RASAL2: variants seen among roughly 807,000 people sequenced by gnomAD.
RASAL2 encodes RAS protein activator like 2.
RASAL2 carries 58 observed loss-of-function variants against 128.9 expected under a neutral mutation model. The observed-to-expected ratio is 0.45, with a 90% CI of 0.36 to 0.56. RASAL2 has a LOEUF of 0.56. Among genes scored for constraint, RASAL2 ranks in the 20% least tolerant of loss-of-function variants. The probability of loss-of-function intolerance (pLI) is 0.00; values close to 1 mark genes in which losing one functional copy is unlikely to be tolerated. For synonymous variants in RASAL2, 561 were observed against 580.8 expected, an observed-to-expected ratio of 0.97 and a Z score of 0.49; for missense variants, 1,360 against 1,601.6, an observed-to-expected ratio of 0.85 and a Z score of 2.57.
chr1:178,392,368 A>T (rs1346199500), intron 4 of RASAL2, among the ~76,000 whole-genome samples: 2 of 152,168 alleles, frequency 1.3e-5, no homozygotes, highest in African/African-American at 4.8e-5. Context: ...TCATGGGATG[A>T]CTGATGCTTC....
At chr1:178,445,351 G>A (rs971447201) in intron 8 of RASAL2, among the ~76,000 whole-genome samples, 167 bp from the exon 9 acceptor site, 2 of 152,152 alleles carry the variant, frequency 1.3e-5, no homozygotes, top group African/African-American at 4.8e-5. Flanking sequence ...AAATGTAGGG[G>A]TAGGAACACC....
At chr1:178,443,508 C>T (rs1435717059) in intron 8 of RASAL2, among the ~76,000 whole-genome samples, 1 of 152,152 alleles carries the variant, frequency 6.6e-6, no homozygotes, top group Non-Finnish European at 1.5e-5. Flanking sequence ...GTAGGATTGG[C>T]ACGATAACCC....
Position 178,473,495 on chromosome 1 carries a change from T to C in RASAL2, c.*256T>C. The C allele has an allele frequency of 4.0e-6, 2 of 505,388 alleles. No homozygotes were observed. Among genetic ancestry groups the C allele is most frequent in the South Asian group, 2.9e-5 (1 of 33,996 alleles). The allele number at this position is 505,388 out of a possible 1,614,324, so 31.3% of individuals were successfully genotyped here. On this transcript the variant is annotated 3_prime_UTR_variant, in exon 18 of 18. Coordinates refer to ENST00000367649, the MANE Select transcript of RASAL2 (RefSeq NM_170692.4). Reference sequence around the variant, plus strand: ...ATGTACAGAAAATATCACTGTAATATACCAAAAGGAAGTTAATAATGTAGA... The same window carrying C: ...ATGTACAGAAAATATCACTGTAATACACCAAAAGGAAGTTAATAATGTAGA...
intron 1 of RASAL2, among the ~76,000 whole-genome samples, chr1:178,103,871 C>T (rs530964428): frequency 2.0e-5 from 3 of 152,150 alleles, no homozygotes; most frequent in Admixed American, 1.3e-4. Context: ...TTGAATGTAT[C>T]GGATTTTTCT....
intron 1 of RASAL2, among the ~76,000 whole-genome samples, chr1:178,148,687 C>G (rs749685837): frequency 6.6e-6 from 1 of 152,094 alleles, no homozygotes; most frequent in Non-Finnish European, 1.5e-5. Flanking sequence ...TCAAGCAATA[C>G]ACTACCTCAG....
chr1:178,167,657 T>G (rs12048698), intron 1 of RASAL2, among the ~76,000 whole-genome samples: 1 of 152,068 alleles, frequency 6.6e-6, no homozygotes, highest in Non-Finnish European at 1.5e-5. Flanking sequence ...AAACGATTGA[T>G]TAATATACAA....
At chr1:178,162,413 A>C (rs1179065211) in intron 1 of RASAL2, among the ~76,000 whole-genome samples, 1 of 118,192 alleles carries the variant, frequency 8.5e-6, no homozygotes, top group Non-Finnish European at 1.6e-5. Context: ...TTTATATATT[A>C]TATATAATAT....
Position 178,094,473 on chromosome 1 carries a change from C to A in RASAL2, c.-20C>A. 6.5e-7 allele frequency: 1 copy of A among 1,534,266 alleles called. No individual in the cohort carries two copies. The highest frequency in any genetic ancestry group is 1.2e-5 in the South Asian group (1 of 82,974). ...CCGCCCCGAAGCCGCCGCCTCGTCC[C>A]CCTCCCGCCTCGGGGCACCATGGAG... On this transcript the variant is annotated 5_prime_UTR_variant, in exon 1 of 18. Coordinates refer to ENST00000367649, the MANE Select transcript of RASAL2 (RefSeq NM_170692.4).
rs1308008041 is a variant in RASAL2 at position 178,094,516 on chromosome 1, A to G, written c.24A>G (p.Gly8=). The G allele has an allele frequency of 6.4e-6, 10 of 1,565,494 alleles. No homozygotes were observed. The highest frequency in any genetic ancestry group is 8.6e-6 in the Non-Finnish European group (10 of 1,156,302). The change falls in exon 1 of 18, where the codon GGA becomes GGG. Residue 8 remains glycine, a synonymous_variant. Transcript: ENST00000367649. ...CCATGGAGCTCTCTCCGTCGTCCGGAGGAGCCGCGGAGGCGCTGTCCTGGC... is the reference window on the plus strand; with the variant it reads ...CCATGGAGCTCTCTCCGTCGTCCGGGGGAGCCGCGGAGGCGCTGTCCTGGC... MELSPSS[G]GAAEALSWPE...
chr1:178,283,939 T>C (rs1000617884), intron 2 of RASAL2, among the ~76,000 whole-genome samples: 1 of 152,106 alleles, frequency 6.6e-6, no homozygotes, highest in Non-Finnish European at 1.5e-5. Context: ...CTGAGGAGTT[T>C]GGAATGGGAA....
intron 1 of RASAL2, among the ~76,000 whole-genome samples, chr1:178,172,415 A>G (rs1298464005): frequency 2.0e-5 from 3 of 152,028 alleles, no homozygotes; most frequent in African/African-American, 7.2e-5. Context: ...CTACCATTGA[A>G]TATTCTGTTT....
At chr1:178,326,807 G>T (rs1235415446) in intron 3 of RASAL2, among the ~76,000 whole-genome samples, 1 of 152,112 alleles carries the variant, frequency 6.6e-6, no homozygotes, top group Admixed American at 6.5e-5. Flanking sequence ...GCCTCCCAAA[G>T]TGCTGGGATT....
At chr1:178,199,723 A>G (rs184135801) in intron 1 of RASAL2, among the ~76,000 whole-genome samples, 9 of 152,176 alleles carry the variant, frequency 5.9e-5, no homozygotes, top group Admixed American at 5.2e-4. Flanking sequence ...CACAACCACC[A>G]TGTGATGGTT....
At chr1:178,419,268 GTTTTA>G (rs1674977725) in intron 4 of RASAL2, among the ~76,000 whole-genome samples, 1 of 151,866 alleles carries the variant, frequency 6.6e-6, no homozygotes, top group Admixed American at 6.6e-5. Flanking sequence ...GAAAAATTTT[GTTTTA>G]TTTTATTTAT....
At chr1:178,172,787 T>C (rs1282791892) in intron 1 of RASAL2, among the ~76,000 whole-genome samples, 1 of 152,082 alleles carries the variant, frequency 6.6e-6, no homozygotes, top group Non-Finnish European at 1.5e-5. Context: ...CAAATGCAGA[T>C]TAATAAAGGT....
intron 3 of RASAL2, among the ~76,000 whole-genome samples, chr1:178,311,538 T>C (rs1668251784): frequency 6.6e-6 from 1 of 151,710 alleles, no homozygotes; most frequent in African/African-American, 2.4e-5. Flanking sequence ...GTATACTCTT[T>C]GGAGGGAAAA....
At chr1:178,268,607 C>G (rs1666098005) in intron 1 of RASAL2, among the ~76,000 whole-genome samples, 1 of 152,102 alleles carries the variant, frequency 6.6e-6, no homozygotes, top group Non-Finnish European at 1.5e-5. Context: ...GGCAACAAAG[C>G]AAGACCCTGT....
intron 3 of RASAL2, among the ~76,000 whole-genome samples, chr1:178,330,773 T>C (rs1362650598): frequency 2.0e-5 from 3 of 152,166 alleles, no homozygotes; most frequent in Non-Finnish European, 4.4e-5. Context: ...GGGTGAATGA[T>C]AAAAATCGCT....
At chr1:178,466,235 G>A in intron 16 of RASAL2, 113 bp downstream of exon 16, 1 of 961,622 alleles carries the variant, frequency 1.0e-6, no homozygotes. Context: ...TTGTGGTACT[G>A]AGTACAAATG....
Sources: allele counts gnomAD v4.1 joint callset (sites outside exome capture counted in the v4.1 genomes callset), GRCh38; gene constraint gnomAD v4.1.1; transcripts MANE v1.5; gene names NCBI Gene and HGNC (gene_info 2026-07-23, HGNC 2026-07-21).